Variants in CWF19L1 observed in about 807,000 individuals in gnomAD.
CWF19L1 encodes the protein CWF19-like protein 1.
Under a neutral mutation model 69.7 loss-of-function variants are expected in CWF19L1, and 60 were observed. The ratio of observed to expected loss-of-function variants is 0.86; its 90% confidence interval spans 0.70 to 1.07. The LOEUF is 1.07. CWF19L1 is among the 50% of genes least tolerant of loss of function. CWF19L1 has a pLI of 0.00. For missense variants in CWF19L1, 591 were observed against 638.9 expected (o/e 0.92, Z 0.81); for synonymous variants, 209 against 222.2 (o/e 0.94, Z 0.53).
At chr10:100,260,181 AAAAAAC>A in intron 4 of CWF19L1, 31 bp downstream of exon 4, 8 of 1,463,074 alleles carry the variant, frequency 5.5e-6, no homozygotes, top group Non-Finnish European at 7.5e-6. Flanking sequence ...AACAAAAAAC[AAAAAAC>A]AAAAAAAAAA....
Position 100,250,248 on chromosome 10 carries a change from C to G in CWF19L1, c.708G>C (p.Lys236Asn). 1 of 1,598,536 alleles carries G rather than the reference C, an allele frequency of 6.3e-7. No homozygotes were observed. The highest frequency in any genetic ancestry group is 2.2e-5 in the East Asian group (1 of 44,786). ...LANVGNPEKK[K>N]YLYAFSIVPM... ...TTCCACCAAATAGGTAAATCTTTAC[C>G]TTTTTCTTTTCTGGATTTCCAACAT... The change falls in exon 7 of 14, where the codon AAG (lysine) becomes AAC (asparagine). Residue 236 changes from lysine to asparagine, a missense_variant and splice_region_variant. This residue lies in a region of CWF19L1 where 458 missense variants were observed against 489.3 expected (regional missense o/e 0.94). Transcript: ENST00000354105.
Position 100,238,102 on chromosome 10 carries a change from G to C in CWF19L1, c.1174C>G (p.Leu392Val), listed in dbSNP as rs1846508099. ...CCTCGACTCTTAAAGAACCGTCTCA[G>C]AGTGGCCTTATACTTCTCCACCTCT... ...VEEVEKYKAT[L>V]RRFFKSRGKW... The change falls in exon 11 of 14, where the codon CTG becomes GTG. Residue 392 changes from leucine to valine, a missense_variant. Coordinates refer to ENST00000354105, the MANE Select transcript of CWF19L1 (RefSeq NM_018294.6). 6.2e-7 allele frequency: 1 copy of C among 1,614,144 alleles called. No individual in the cohort carries two copies. Among genetic ancestry groups the C allele is most frequent in the East Asian group, 2.2e-5 (1 of 44,884 alleles).
At chr10:100,240,178 A>C (rs1846593309) in intron 10 of CWF19L1, among the ~76,000 whole-genome samples, 1 of 152,122 alleles carries the variant, frequency 6.6e-6, no homozygotes, top group South Asian at 2.1e-4. Context: ...TGTAAATAGG[A>C]CCTGGATAAA....
chr10:100,238,274 T>C, intron 10 of CWF19L1, 43 bp from the exon 11 acceptor site: 3 of 1,577,142 alleles, frequency 1.9e-6, no homozygotes, highest in Non-Finnish European at 2.6e-6. Flanking sequence ...ATACAGCATG[T>C]AGGATTCTCC....
chr10:100,253,123 G>A (rs970355200), intron 6 of CWF19L1, among the ~76,000 whole-genome samples: 4 of 152,194 alleles, frequency 2.6e-5, no homozygotes, highest in African/African-American at 4.8e-5. Flanking sequence ...GGGCTCGAGC[G>A]AGCCTCCTGC....
At chr10:100,242,395 C>T (rs1468827183) in intron 10 of CWF19L1, among the ~76,000 whole-genome samples, 2 of 152,100 alleles carry the variant, frequency 1.3e-5, no homozygotes, top group African/African-American at 2.4e-5. Flanking sequence ...ATTCATAGGC[C>T]GGGGGTGGTG....
intron 1 of CWF19L1, among the ~76,000 whole-genome samples, chr10:100,266,838 T>TGTTTG (rs1476426741): frequency 2.9e-5 from 4 of 138,058 alleles, no homozygotes; most frequent in African/African-American, 1.3e-4. Context: ...TATTGTTTTT[T>TGTTTG]GTTTGTTTTG....
chr10:100,238,230 C>G lies in CWF19L1; in HGVS notation c.1046G>C (p.Cys349Ser). The change falls in exon 11 of 14, where the codon TGC becomes TCC. Residue 349 changes from cysteine (C) to serine (S), a missense_variant and splice_region_variant. Physicochemically the swap from Cys to Ser is moderately radical, Grantham distance 112. Around this residue, in one of 3 missense-constraint regions of CWF19L1, gnomAD observed 458 missense variants for 489.3 expected, o/e 0.94. Transcript: ENST00000354105. ...GCCTCCTTTGGCCAGGGCAAGGTAG[C>G]ACTGAAGAAGCAGCACACAGAATTG... ...KHLVVNIGTH[C>S]YLALAKGGLS... The G allele has an allele frequency of 6.2e-7, 1 of 1,614,082 alleles. No homozygotes were observed. Among genetic ancestry groups the G allele is most frequent in the Non-Finnish European group, 8.5e-7 (1 of 1,179,946 alleles).
chr10:100,264,274 G>A (rs1033250333), intron 1 of CWF19L1, among the ~76,000 whole-genome samples: 1 of 152,162 alleles, frequency 6.6e-6, no homozygotes, highest in Non-Finnish European at 1.5e-5. Flanking sequence ...GGCCAGGTGC[G>A]GTGGCTTACG....
At chr10:100,260,187 C>CAA in intron 4 of CWF19L1, 31 bp downstream of exon 4, 12 of 1,303,790 alleles carry the variant, frequency 9.2e-6, no homozygotes, top group Admixed American at 6.2e-5. Flanking sequence ...AAACAAAAAA[C>CAA]AAAAAAAAAA....
At chr10:100,247,925 C>A (rs1243311623) in intron 7 of CWF19L1, among the ~76,000 whole-genome samples, 1 of 151,484 alleles carries the variant, frequency 6.6e-6, no homozygotes, top group Non-Finnish European at 1.5e-5. Flanking sequence ...TTGACTTGAT[C>A]CAGTGAGAAA....
At chr10:100,257,937 T>C (rs1847269146) in intron 4 of CWF19L1, among the ~76,000 whole-genome samples, 1 of 152,212 alleles carries the variant, frequency 6.6e-6, no homozygotes, top group Middle Eastern at 3.4e-3. Flanking sequence ...TCAACACTGA[T>C]ACTCTAGAAA....
rs1019026353 is a variant in CWF19L1 at position 100,248,263 on chromosome 10, G to A, written c.709-1328C>T. On this transcript the variant is annotated intron_variant, in intron 7 of 13. Coordinates refer to ENST00000354105, the MANE Select transcript of CWF19L1 (RefSeq NM_018294.6). ...GAAAGGGTCCAGCAGAAGAAAACAT[G>A]GCTGCCAAAGTGTTTTGAGTCCGTT... The A allele has an allele frequency of 7.9e-6, 10 of 1,268,898 alleles. 1 individual carries two copies. The highest frequency in any genetic ancestry group is 5.2e-5 in the Admixed American group (3 of 57,906). The allele number at this position is 1,268,898 out of a possible 1,614,324, so 78.6% of individuals were successfully genotyped here.
intron 6 of CWF19L1, among the ~76,000 whole-genome samples, chr10:100,250,719 G>A (rs1022654273): frequency 2.6e-5 from 4 of 152,114 alleles, no homozygotes; most frequent in African/African-American, 4.8e-5. Flanking sequence ...GCTGAGACAG[G>A]AGGACTGCTT....
At chr10:100,247,072 T>C in intron 7 of CWF19L1, 137 bp from the exon 8 acceptor site, 2 of 739,348 alleles carry the variant, frequency 2.7e-6, no homozygotes, top group Non-Finnish European at 4.1e-6. Flanking sequence ...AGCCCATCCA[T>C]AGCTCAGAGA....
rs115455861 is a variant in CWF19L1, at chr10:100,254,990, G to C, written c.504+1272C>G. Among the ~76,000 whole-genome samples, 1,122 of 152,224 alleles carry C rather than the reference G, an allele frequency of 7.4e-3. 20 individuals carry two copies. The highest frequency in any genetic ancestry group is 0.025 in the African/African-American group (1,045 of 41,530). ...ACACATGGTGCTGAAACTGGCAAGG[G>C]GTGGTATACAGGCTCCACTTCTGGA... is the stretch of plus-strand genomic sequence containing the variant. On this transcript the variant is annotated intron_variant, in intron 5 of 13. Coordinates refer to ENST00000354105, the MANE Select transcript of CWF19L1 (RefSeq NM_018294.6).
At chr10:100,263,167 A>G (rs948450724) in intron 1 of CWF19L1, among the ~76,000 whole-genome samples, 1 of 152,236 alleles carries the variant, frequency 6.6e-6, no homozygotes, top group African/African-American at 2.4e-5. Flanking sequence ...GAAAGTAGTC[A>G]GTTTAATGTT....
intron 5 of CWF19L1, 46 bp downstream of exon 5, chr10:100,256,216 A>T: frequency 7.0e-7 from 1 of 1,430,370 alleles, no homozygotes; most frequent in South Asian, 1.1e-5. Flanking sequence ...AACTCAAGCC[A>T]GTGCAATTTG....
chr10:100,256,517 C>T (rs1847219106), intron 4 of CWF19L1, 41 bp from the exon 5 acceptor site: 1 of 1,532,760 alleles, frequency 6.5e-7, no homozygotes, highest in East Asian at 2.2e-5. Flanking sequence ...GTCAGAATTG[C>T]AGAATGAAAA....
Sources: allele counts gnomAD v4.1 joint callset (sites outside exome capture counted in the v4.1 genomes callset), GRCh38; gene constraint gnomAD v4.1.1; regional missense constraint gnomAD v4.1.1; transcripts MANE v1.5; gene names NCBI Gene and HGNC (gene_info 2026-07-23, HGNC 2026-07-21).